The following STK3 variants were observed in gnomAD, a reference collection of about 807,000 sequenced individuals.
STK3 encodes serine/threonine-protein kinase 3.
A neutral mutation model predicts 58.0 loss-of-function variants in STK3; 41 were observed. The ratio of observed to expected loss-of-function variants is 0.71; its 90% CI spans 0.55 to 0.92. STK3 has a LOEUF of 0.92. STK3 is among the 40% of genes least tolerant of loss of function. STK3 has a pLI of 0.00. For synonymous variants in STK3, 170 were observed against 191.0 expected, an observed-to-expected ratio of 0.89 and a Z score of 0.91; for missense variants, 479 against 602.7, an observed-to-expected ratio of 0.79 and a Z score of 2.15.
intron 3 of STK3, chr8:98,875,231 C>G (rs769935724): frequency 6.6e-6 from 1 of 152,128 alleles, no homozygotes; most frequent in Non-Finnish European, 1.5e-5. Context: ...ATCAAAAACT[C>G]AAATATCTAT....
At chr8:98,470,011 A>G (rs1279863410) in intron 10 of STK3, among the ~76,000 whole-genome samples, 4 of 152,240 alleles carry the variant, frequency 2.6e-5, no homozygotes, top group Non-Finnish European at 5.9e-5. Flanking sequence ...TAAATGACCC[A>G]GCAGACCTAG....
chr8:98,862,607 G>A (rs767275580), intron 3 of STK3, among the ~76,000 whole-genome samples: 3 of 152,188 alleles, frequency 2.0e-5, no homozygotes, highest in Non-Finnish European at 4.4e-5. Context: ...GACCGAACAG[G>A]ACTTTTTAGA....
intron 3 of STK3, chr8:98,427,170 C>G (rs1818247860): frequency 6.7e-6 from 1 of 150,274 alleles, no homozygotes; most frequent in Non-Finnish European, 1.5e-5. Flanking sequence ...CGGCCCGAGA[C>G]GGGAGGAGAC....
chr8:98,452,711 T>C (rs919359296), downstream of STK3, among the ~76,000 whole-genome samples: 3 of 152,054 alleles, frequency 2.0e-5, no homozygotes, highest in Admixed American at 6.6e-5. Context: ...TAGAAAACTG[T>C]CTTTCCTAAG....
intron 1 of STK3, among the ~76,000 whole-genome samples, chr8:98,380,122 G>A (rs1817716923): frequency 6.6e-6 from 1 of 152,140 alleles, no homozygotes; most frequent in African/African-American, 2.4e-5. Flanking sequence ...AAAAAATGGT[G>A]GTTACCTGAA....
chr8:98,870,111 T>A (rs1182516470), intron 3 of STK3, among the ~76,000 whole-genome samples: 1 of 152,180 alleles, frequency 6.6e-6, no homozygotes, highest in East Asian at 1.9e-4. Context: ...TTTCTGTCCT[T>A]GTGAAAGTTT....
intron 1 of STK3, among the ~76,000 whole-genome samples, chr8:98,921,012 T>A (rs1178699985): frequency 1.3e-5 from 2 of 152,226 alleles, no homozygotes; most frequent in African/African-American, 4.8e-5. Context: ...GTTAAAAGAA[T>A]CCCTATATCT....
At chr8:98,924,052 C>A (rs1211965799) in intron 1 of STK3, among the ~76,000 whole-genome samples, 1 of 152,092 alleles carries the variant, frequency 6.6e-6, no homozygotes, top group African/African-American at 2.4e-5. Context: ...AGTTGTCAGG[C>A]CTTCTTGAGT....
intron 6 of STK3, among the ~76,000 whole-genome samples, chr8:98,687,620 C>T (rs1485432394): frequency 1.3e-5 from 2 of 152,080 alleles, no homozygotes; most frequent in African/African-American, 2.4e-5. Context: ...AGATTAGGGG[C>T]CAATTTTGAG....
chr8:98,709,926 A>ATTTT (rs142232204), intron 4 of STK3, among the ~76,000 whole-genome samples: 47 of 150,522 alleles, frequency 3.1e-4, no homozygotes, highest in African/African-American at 1.1e-3. Flanking sequence ...AGTTTTTGCC[A>ATTTT]TTTTTTTTTT....
upstream of STK3, among the ~76,000 whole-genome samples, chr8:98,393,096 C>T (rs773544285): frequency 6.6e-6 from 1 of 152,182 alleles, no homozygotes; most frequent in Non-Finnish European, 1.5e-5. Flanking sequence ...CACTAATATG[C>T]AGGAGGCTAG....
the STK3 span, among the ~76,000 whole-genome samples, chr8:98,350,031 A>G: frequency 6.6e-6 from 1 of 151,990 alleles, no homozygotes; most frequent in Non-Finnish European, 1.5e-5. Flanking sequence ...CTCCTCAGAA[A>G]ATGGGATTTT....
intron 8 of STK3, among the ~76,000 whole-genome samples, chr8:98,554,375 T>C (rs1811440595): frequency 6.6e-6 from 1 of 152,152 alleles, no homozygotes; most frequent in South Asian, 2.1e-4. Context: ...GATTCAATGC[T>C]GTGACCATTA....
At chr8:98,797,288 A>G (rs1042047221) in intron 1 of STK3, among the ~76,000 whole-genome samples, 1 of 152,200 alleles carries the variant, frequency 6.6e-6, no homozygotes, top group Non-Finnish European at 1.5e-5. Context: ...CATCAGAAAC[A>G]TGATTTTTTG....
chr8:98,438,700 CTGTGTGAGTCTCTG>C (rs996727475), intron 1 of STK3: 3 of 62,246 alleles, frequency 4.8e-5, no homozygotes, highest in Non-Finnish European at 9.0e-5. Context: ...ATGTGGGTCT[CTGTGTGAGTCTCTG>C]TGTGTGTGTG....
At chr8:98,793,817 CA>C (rs370466236) in intron 1 of STK3, among the ~76,000 whole-genome samples, 4 of 143,952 alleles carry the variant, frequency 2.8e-5, no homozygotes, top group Admixed American at 7.0e-5. Context: ...TCAATTAATT[CA>C]AAAAAAAAAC....
intron 4 of STK3, 69 bp downstream of exon 4, chr8:98,749,207 C>T (rs1308293572): frequency 1.0e-5 from 12 of 1,195,338 alleles, no homozygotes; most frequent in Admixed American, 2.1e-5. Flanking sequence ...TAACAAAATA[C>T]CAACTAGTCA....
intron 10 of STK3, among the ~76,000 whole-genome samples, chr8:98,498,655 A>G (rs143878485): frequency 1.6e-4 from 24 of 152,230 alleles, no homozygotes; most frequent in Admixed American, 1.6e-3. Flanking sequence ...ATAGTAAATT[A>G]TAAGTCCTCA....
intron 6 of STK3, among the ~76,000 whole-genome samples, chr8:98,600,457 T>C (rs919861376): frequency 6.6e-6 from 1 of 152,244 alleles, no homozygotes; most frequent in Non-Finnish European, 1.5e-5. Flanking sequence ...GAGCTATTAT[T>C]AACCTAATTT....
Sources: gnomAD v4.1 joint callset for allele counts (sites outside exome capture counted in the v4.1 genomes callset) on GRCh38, gnomAD v4.1.1 for gene constraint, MANE v1.5 for transcripts, NCBI Gene and HGNC (gene_info 2026-07-23, HGNC 2026-07-21) for gene names.